Variants in SPI1 observed in about 807,000 individuals in gnomAD.
SPI1 encodes Spi-1 proto-oncogene, also known as transcription factor PU.1.
Under a neutral mutation model 30.7 loss-of-function variants are expected in SPI1, and 3 were observed. That is an observed-to-expected ratio of 0.10 (90% CI 0.04 to 0.25). SPI1 has a LOEUF of 0.25. SPI1 is among the 10% of genes least tolerant of loss of function. The pLI is 1.00. For missense variants in SPI1, 261 were observed against 371.5 expected (o/e 0.70, Z 2.45); for synonymous variants, 169 against 157.1 (o/e 1.08, Z -0.56).
intron 2 of SPI1, among the ~76,000 whole-genome samples, chr11:47,360,302 A>G (rs2095918818): frequency 6.6e-6 from 1 of 152,122 alleles, no homozygotes; most frequent in East Asian, 1.9e-4. Context: ...TGTTCTCAGC[A>G]ATTCCATCCT....
intron 4 of SPI1, among the ~76,000 whole-genome samples, chr11:47,355,840 CAT>C (rs753170567): frequency 2.2e-5 from 3 of 136,504 alleles, no homozygotes; most frequent in Admixed American, 7.3e-5. Context: ...CTCACATCCA[CAT>C]AACGCACCCA....
intron 4 of SPI1, among the ~76,000 whole-genome samples, chr11:47,357,276 C>T (rs1184225413): frequency 2.5e-5 from 2 of 78,766 alleles, no homozygotes; most frequent in East Asian, 7.7e-4. Flanking sequence ...GCTCACACCT[C>T]ACAGCTGCTC....
Sources: allele counts gnomAD v4.1 joint callset (sites outside exome capture counted in the v4.1 genomes callset), GRCh38; gene constraint gnomAD v4.1.1; transcripts MANE v1.5; gene names NCBI Gene and HGNC (gene_info 2026-07-23, HGNC 2026-07-21).